DNAH1: variants seen among roughly 807,000 people sequenced by gnomAD.
The protein encoded by DNAH1 is dynein axonemal heavy chain 1, also known as axonemal beta dynein heavy chain 1.
In DNAH1, 327 loss-of-function variants were observed where a neutral mutation model predicts 484.3. The observed-to-expected ratio is 0.68, with a 90% confidence interval of 0.62 to 0.74. The LOEUF (loss-of-function observed/expected upper bound fraction) is 0.74, where lower values mean the gene tolerates loss of function less well. Ranked by LOEUF, DNAH1 falls within the 30% of genes least tolerant of loss-of-function variation. DNAH1 has a pLI of 0.00. For synonymous variants in DNAH1, 2,192 were observed against 2,191.9 expected, an observed-to-expected ratio of 1.00 and a Z score of 0.00; for missense variants, 5,052 against 5,546.8, an observed-to-expected ratio of 0.91 and a Z score of 2.83.
At chr3:52,390,064 T>C (rs1483291577) in intron 60 of DNAH1, among the ~76,000 whole-genome samples, 2 of 151,764 alleles carry the variant, frequency 1.3e-5, no homozygotes, top group African/African-American at 4.8e-5. Flanking sequence ...GGGGTTGCAG[T>C]GAGCAGAGAT....
intron 1 of DNAH1, 38 bp from the exon 2 acceptor site, chr3:52,322,371 G>A: frequency 2.1e-6 from 3 of 1,444,286 alleles, no homozygotes; most frequent in Non-Finnish European, 2.8e-6. Context: ...TAAGACAGAG[G>A]CTGGCAAGGG....
In DNAH1 at chr3:52,362,797, T is replaced by C. The variant is rs1702917556; in HGVS notation, c.5095-198T>C. 1.3e-5 allele frequency among the ~76,000 whole-genome samples: 2 copies of C among 151,994 alleles called. No individual in the cohort carries two copies. Among genetic ancestry groups the C allele is most frequent in the African/African-American group, 4.8e-5 (2 of 41,374 alleles). The stretch of plus-strand genomic sequence containing the variant: ...CAAGAGGGGCATCTCCTGGGAGTCA[T>C]GTGGGGGCAGGTTTGGATCAACACC... On this transcript the variant is annotated intron_variant, in intron 31 of 77. Coordinates refer to ENST00000420323, the MANE Select transcript of DNAH1 (RefSeq NM_015512.5). The surrounding 1 kb of genome is among the most constrained non-coding windows in gnomAD (Gnocchi z 5.1).
chr3:52,358,650 C>G lies in DNAH1; in HGVS notation c.4179C>G (p.Asn1393Lys). The change falls in exon 25 of 78, where the codon AAC becomes AAG. Residue 1393 changes from asparagine (N) to lysine (K), a missense_variant. Coordinates refer to ENST00000420323, the MANE Select transcript of DNAH1 (RefSeq NM_015512.5). This position sits in a 1 kb window ranked among gnomAD's most constrained non-coding sequence, Gnocchi z 4.2. ...GCTTCTCCATCTACCCCTCCAGCAA[C>G]GTGGAGGACTGGCTGCGGGAGGTGG... ...QLCFSIYPSS[N>K]VEDWLREVER... 6.2e-7 allele frequency: 1 copy of G among 1,613,234 alleles called. No individual in the cohort carries two copies. The highest frequency in any genetic ancestry group is 1.1e-5 in the South Asian group (1 of 91,068).
intron 11 of DNAH1, among the ~76,000 whole-genome samples, chr3:52,347,136 G>A (rs1179178088): frequency 6.6e-6 from 1 of 152,234 alleles, no homozygotes; most frequent in East Asian, 1.9e-4. Flanking sequence ...CAGGGGCCAT[G>A]ATAGACACTG....
chr3:52,320,361 C>T (rs544546075), intron 1 of DNAH1, among the ~76,000 whole-genome samples: 1 of 152,360 alleles, frequency 6.6e-6, no homozygotes, highest in Admixed American at 6.5e-5. Flanking sequence ...CAGAGTCCCG[C>T]TAGGGGAGGC....
chr3:52,396,175 C>T (rs889615048), intron 70 of DNAH1, among the ~76,000 whole-genome samples, 193 bp from the exon 71 acceptor site: 2 of 152,090 alleles, frequency 1.3e-5, no homozygotes, highest in Non-Finnish European at 2.9e-5. Context: ...CCTCGTGATT[C>T]GCCTGCCTTG....
Position 52,344,199 on chromosome 3 carries a change from G to C in DNAH1, c.1287-291G>C, listed in dbSNP as rs1397963582. On this transcript the variant is annotated intron_variant, in intron 8 of 77. Transcript: ENST00000420323. Reference sequence around the variant, plus strand: ...GAGGCTTCCAGGCCCAGGACTTCCTGCACCCCGTCCCACTGCTCTGGGGCC... The same window carrying C: ...GAGGCTTCCAGGCCCAGGACTTCCTCCACCCCGTCCCACTGCTCTGGGGCC... Among the ~76,000 whole-genome samples, 3 of 152,284 alleles carry C rather than the reference G, an allele frequency of 2.0e-5. No homozygotes were observed. The East Asian group carries it at 5.8e-4, about 29-fold the overall frequency.
intron 3 of DNAH1, among the ~76,000 whole-genome samples, chr3:52,324,924 G>A (rs550898047): frequency 2.5e-4 from 38 of 152,184 alleles, no homozygotes; most frequent in South Asian, 6.2e-4. Flanking sequence ...TCTGCTGCCC[G>A]AGGGCTGGGG....
At position 52,362,324 on chromosome 3, in the gene DNAH1, A is replaced by C; in HGVS notation, c.4981-64A>C. On this transcript the variant is annotated intron_variant, in intron 30 of 77. Transcript: ENST00000420323. The surrounding 1 kb of genome is among the most constrained non-coding windows in gnomAD (Gnocchi z 5.1). ...GGCATCAACAGGGGACAAGGGGCCCACTCAGAGGAGGGGACAAGGCTGGGC... is the reference window on the plus strand; with the variant it reads ...GGCATCAACAGGGGACAAGGGGCCCCCTCAGAGGAGGGGACAAGGCTGGGC... The C allele has an allele frequency of 7.1e-7, 1 of 1,399,370 alleles. No homozygotes were observed. Among genetic ancestry groups the C allele is most frequent in the South Asian group, 1.2e-5 (1 of 82,592 alleles). The allele number at this position is 1,399,370 out of a possible 1,614,324, so 86.7% of individuals were successfully genotyped here.
intron 11 of DNAH1, 26 bp downstream of exon 11, chr3:52,346,796 C>G: frequency 6.3e-7 from 1 of 1,584,598 alleles, no homozygotes; most frequent in South Asian, 1.1e-5. Context: ...GCGGAGGCAC[C>G]TGTTGACACC....
rs192615048 is a variant in DNAH1 at position 52,355,650 on chromosome 3, C to T, written c.3693+595C>T. 1.1e-3 allele frequency among the ~76,000 whole-genome samples: 175 copies of T among 152,344 alleles called. 1 individual carries two copies. The highest frequency in any genetic ancestry group is 1.7e-3 in the Non-Finnish European group (119 of 68,012). ...TCCCTGATAGCTGCTCAGAGACCTC[C>T]GGCGAAGGCCAGAAGCAGGTGGGGA... On this transcript the variant is annotated intron_variant, in intron 21 of 77. Transcript: ENST00000420323. The surrounding 1 kb of genome is among the most constrained non-coding windows in gnomAD (Gnocchi z 4.5).
In DNAH1 at chr3:52,362,219, G is replaced by A. The variant is rs937098484; in HGVS notation, c.4981-169G>A. 1.3e-5 allele frequency among the ~76,000 whole-genome samples: 2 copies of A among 152,184 alleles called. No homozygotes were observed. The highest frequency in any genetic ancestry group is 4.8e-5 in the African/African-American group (2 of 41,436). On this transcript the variant is annotated intron_variant, in intron 30 of 77. Transcript: ENST00000420323. The surrounding 1 kb of genome is among the most constrained non-coding windows in gnomAD (Gnocchi z 5.1). ...CCATGGGTAGCCACTGGGGCCTGAG[G>A]TTTCAGGCCAGATCCTGAGAGAGGA...
intron 8 of DNAH1, among the ~76,000 whole-genome samples, chr3:52,333,627 A>G (rs1464696919): frequency 6.6e-6 from 1 of 152,098 alleles, no homozygotes; most frequent in African/African-American, 2.4e-5. Context: ...ACCTCAGGTA[A>G]TCCACTCGCC....
Position 52,322,612 on chromosome 3 carries a change from C to A in DNAH1, c.170C>A (p.Pro57His). The A allele has an allele frequency of 6.2e-7, 1 of 1,613,836 alleles. No homozygotes were observed. The highest frequency in any genetic ancestry group is 1.1e-5 in the South Asian group (1 of 91,078). The stretch of plus-strand genomic sequence containing the variant: ...TTGGGAAATCCTCCAGCCCTTGACC[C>A]CAAGCTCCCACATTTACCCCTGCCC... ...YGLGNPPALD[P>H]KLPHLPLPPA... The change falls in exon 2 of 78, where the codon CCC becomes CAC. Residue 57 changes from proline (P) to histidine (H), a missense_variant. Pro to His is a moderately conservative substitution (Grantham distance 77). Around this residue, in one of 4 missense-constraint regions of DNAH1, gnomAD observed 1,263 missense variants for 1,218.8 expected, o/e 1.04. Coordinates refer to ENST00000420323, the MANE Select transcript of DNAH1 (RefSeq NM_015512.5).
At chr3:52,354,325 A>G (rs1702517945) in intron 20 of DNAH1, among the ~76,000 whole-genome samples, 1 of 152,238 alleles carries the variant, frequency 6.6e-6, no homozygotes, top group Non-Finnish European at 1.5e-5. Context: ...GTACAACCAC[A>G]TGCAGCACAT....
chr3:52,322,312 C>G, intron 1 of DNAH1, 97 bp from the exon 2 acceptor site: 1 of 781,098 alleles, frequency 1.3e-6, no homozygotes, highest in East Asian at 2.7e-5. Flanking sequence ...GGGTCATGGG[C>G]TGGGGCTTGT....
chr3:52,346,897 C>A, intron 11 of DNAH1, 127 bp downstream of exon 11: 1 of 1,044,780 alleles, frequency 9.6e-7, no homozygotes, highest in Non-Finnish European at 1.4e-6. Context: ...TAAGGAGAGC[C>A]GAGCTCCCTG....
rs2153223860 is a variant in DNAH1 at position 52,347,933 on chromosome 3, A to G, written c.2065A>G (p.Lys689Glu). The change falls in exon 12 of 78, where the codon AAG (lysine) becomes GAG (glutamate). Residue 689 changes from lysine to glutamate, a missense_variant. Physicochemically the swap from Lys to Glu is moderately conservative, Grantham distance 56. This residue lies in a region of DNAH1 where 1,263 missense variants were observed against 1,218.8 expected (regional missense o/e 1.04). Transcript: ENST00000420323. ...FEASLLNLFD[K>E]GILATHAVPQ... Reference sequence around the variant, plus strand: ...GGCATCTCTGCTGAACCTCTTCGACAAGGGCATCCTGGCCACCCATGCCGT... The same window carrying G: ...GGCATCTCTGCTGAACCTCTTCGACGAGGGCATCCTGGCCACCCATGCCGT... 6.2e-7 allele frequency: 1 copy of G among 1,610,982 alleles called. No homozygotes were observed. Among genetic ancestry groups the G allele is most frequent in the South Asian group, 1.1e-5 (1 of 90,266 alleles).
intron 44 of DNAH1, chr3:52,374,583 G>C (rs894380031): frequency 6.6e-7 from 1 of 1,503,900 alleles, no homozygotes; most frequent in African/African-American, 1.4e-5. Context: ...ACACTTCCAG[G>C]TGGCAGAGCG....
Sources: gnomAD v4.1 joint callset for allele counts (sites outside exome capture counted in the v4.1 genomes callset) on GRCh38, gnomAD v4.1.1 for gene constraint, gnomAD v4.1.1 regional missense constraint, Gnocchi (gnomAD v3.1) non-coding constraint, MANE v1.5 for transcripts, NCBI Gene and HGNC (gene_info 2026-07-23, HGNC 2026-07-21) for gene names.